CLSTN2: variants seen among roughly 807,000 people sequenced by gnomAD.
The protein encoded by CLSTN2 is calsyntenin 2.
Under a neutral mutation model 101.2 loss-of-function variants are expected in CLSTN2, and 48 were observed. That is an observed-to-expected ratio of 0.47 (90% confidence interval 0.38 to 0.60). CLSTN2 has a LOEUF of 0.60. Ranked by LOEUF, CLSTN2 falls within the 20% of genes least tolerant of loss-of-function variation. CLSTN2 has a pLI of 0.00. For synonymous variants in CLSTN2, 481 were observed against 463.6 expected, an observed-to-expected ratio of 1.04 and a Z score of -0.48; for missense variants, 1,160 against 1,238.2, an observed-to-expected ratio of 0.94 and a Z score of 0.95.
chr3:140,282,944 C>G (rs2086862108), intron 2 of CLSTN2, among the ~76,000 whole-genome samples: 1 of 152,244 alleles, frequency 6.6e-6, no homozygotes, highest in South Asian at 2.1e-4. Context: ...ACTGCTGTTT[C>G]CAGAGGAAAA....
intron 1 of CLSTN2, among the ~76,000 whole-genome samples, chr3:140,109,550 T>A (rs535506029): frequency 1.3e-5 from 2 of 152,314 alleles, no homozygotes; most frequent in African/African-American, 4.8e-5. Flanking sequence ...GGGCTTTTTA[T>A]GAAAAGACTG....
At chr3:140,354,329 C>T (rs1393789484) in intron 2 of CLSTN2, among the ~76,000 whole-genome samples, 3 of 152,126 alleles carry the variant, frequency 2.0e-5, no homozygotes, top group Non-Finnish European at 2.9e-5. Flanking sequence ...TGTAAGATTC[C>T]GTACATATAA....
intron 8 of CLSTN2, among the ~76,000 whole-genome samples, chr3:140,523,090 T>A (rs534458810): frequency 6.6e-6 from 1 of 152,254 alleles, no homozygotes; most frequent in Non-Finnish European, 1.5e-5. Context: ...AGTTCAGGAT[T>A]TCTACGGCAT....
intron 1 of CLSTN2, 131 bp from the exon 2 acceptor site, chr3:140,175,820 T>C: frequency 1.1e-6 from 1 of 898,416 alleles, no homozygotes; most frequent in East Asian, 2.8e-5. Context: ...GGGATTAACA[T>C]GTTCCATGTC....
chr3:140,085,631 C>T (rs185257761), intron 1 of CLSTN2, among the ~76,000 whole-genome samples: 12 of 152,228 alleles, frequency 7.9e-5, no homozygotes, highest in Admixed American at 5.2e-4. Context: ...TCTGGTGAGA[C>T]TCCGGTGTCA....
Position 140,556,627 on chromosome 3 carries a change from G to T in CLSTN2, c.1789G>T (p.Gly597Cys). Reference protein sequence around the residue: ...YINSRQFPTAGVRRLKVSSKV... With the variant: ...YINSRQFPTACVRRLKVSSKV... ...CAACTCCAGGCAGTTCCCAACGGCG[G>T]GTGTGCGGCGCCTCAAAGTATCCTC... Residue 597 changes from glycine (G) to cysteine (C), a missense_variant, in exon 11 of 17, where the codon GGT becomes TGT. Transcript: ENST00000458420. 1 of 1,614,026 alleles carries T rather than the reference G, an allele frequency of 6.2e-7. No homozygotes were observed. The highest frequency in any genetic ancestry group is 8.5e-7 in the Non-Finnish European group (1 of 1,179,958).
intron 2 of CLSTN2, among the ~76,000 whole-genome samples, chr3:140,340,284 C>G (rs961090900): frequency 6.6e-6 from 1 of 152,216 alleles, no homozygotes; most frequent in Admixed American, 6.5e-5. Flanking sequence ...ACATCACCTT[C>G]CCCTGGTTAT....
intron 2 of CLSTN2, among the ~76,000 whole-genome samples, chr3:140,222,288 G>A (rs1262899168): frequency 2.0e-5 from 3 of 152,166 alleles, no homozygotes; most frequent in African/African-American, 7.2e-5. Context: ...TGGACATAGA[G>A]AGTAGAAGAA....
At chr3:140,389,036 TA>T in intron 2 of CLSTN2, among the ~76,000 whole-genome samples, 1 of 152,354 alleles carries the variant, frequency 6.6e-6, no homozygotes, top group Non-Finnish European at 1.5e-5. Context: ...TGGTAAATCC[TA>T]CTTACTCATA....
chr3:140,033,508 T>C (rs767389210), intron 1 of CLSTN2, among the ~76,000 whole-genome samples: 4 of 152,220 alleles, frequency 2.6e-5, no homozygotes, highest in Non-Finnish European at 5.9e-5. Flanking sequence ...ATTAAGTGTG[T>C]GTGCAAAATA....
chr3:140,086,677 G>A (rs1049950862), intron 1 of CLSTN2, among the ~76,000 whole-genome samples: 21 of 152,246 alleles, frequency 1.4e-4, no homozygotes, highest in Non-Finnish European at 2.8e-4. Context: ...CTCATAAACC[G>A]TCTCTTTCAG....
intron 5 of CLSTN2, among the ~76,000 whole-genome samples, chr3:140,437,054 T>TG (rs1217650261): frequency 6.7e-6 from 1 of 149,882 alleles, no homozygotes; most frequent in South Asian, 2.1e-4. Context: ...GGTTTGGTTT[T>TG]TTTTTTTTTT....
chr3:140,423,276 C>A (rs1302673517), intron 5 of CLSTN2, among the ~76,000 whole-genome samples: 1 of 152,230 alleles, frequency 6.6e-6, no homozygotes, highest in Non-Finnish European at 1.5e-5. Context: ...TTATAGCGCA[C>A]ACTGCTGTTT....
At chr3:140,552,157 C>T (rs926271811) in intron 10 of CLSTN2, among the ~76,000 whole-genome samples, 2 of 152,096 alleles carry the variant, frequency 1.3e-5, no homozygotes, top group Non-Finnish European at 2.9e-5. Flanking sequence ...GCTGCAGATG[C>T]CAGTCGAATC....
At position 140,403,803 on chromosome 3, in the gene CLSTN2, C is replaced by G. The variant is rs2088271332; in HGVS notation, c.407C>G (p.Thr136Arg). Residue 136 changes from threonine (T) to arginine (R), a missense_variant, in exon 3 of 17, where the codon ACA (threonine) becomes AGA (arginine). Coordinates refer to ENST00000458420, the MANE Select transcript of CLSTN2 (RefSeq NM_022131.3). The stretch of plus-strand genomic sequence containing the variant: ...GACTGTGGTGCTGGGCCCCACGAGA[C>G]AGCCTGGAAAAAGTCACACAAGTGA... ...AYDCGAGPHE[T>R]AWKKSHKAVV... The G allele has an allele frequency of 1.9e-6, 3 of 1,611,406 alleles. No homozygotes were observed. Among genetic ancestry groups the G allele is most frequent in the Non-Finnish European group, 2.5e-6 (3 of 1,178,378 alleles).
chr3:140,247,367 A>G (rs937588876), intron 2 of CLSTN2, among the ~76,000 whole-genome samples: 1 of 152,202 alleles, frequency 6.6e-6, no homozygotes, highest in Non-Finnish European at 1.5e-5. Context: ...TAGTTCCAGG[A>G]AAACAGGAGA....
intron 5 of CLSTN2, 92 bp downstream of exon 5, chr3:140,421,366 T>G (rs2088504367): frequency 6.9e-7 from 1 of 1,452,490 alleles, no homozygotes. Context: ...AACACATAAC[T>G]TTTTAAAGTA....
At chr3:140,423,668 T>C (rs2088530928) in intron 5 of CLSTN2, among the ~76,000 whole-genome samples, 1 of 152,156 alleles carries the variant, frequency 6.6e-6, no homozygotes, top group Non-Finnish European at 1.5e-5. Flanking sequence ...CCATTTTTTC[T>C]TTTTCTCTTT....
In CLSTN2 at chr3:140,490,289, CT is replaced by C. The variant is rs1163550156; in HGVS notation, c.1344+23559del. Among the ~76,000 whole-genome samples the C allele has an allele frequency of 2.0e-5, 3 of 150,542 alleles. No individual in the cohort carries two copies. In the Admixed American group the frequency reaches 2.0e-4, roughly 10 times the overall value. On this transcript the variant is annotated intron_variant, in intron 8 of 16. Transcript: ENST00000458420. ...GGATATGGGTGGAGGGCCTTTAAAT[CT>C]CCTTATGAAGGAAGGATCCCTTCCT...
Sources: allele counts gnomAD v4.1 joint callset (sites outside exome capture counted in the v4.1 genomes callset), GRCh38; gene constraint gnomAD v4.1.1; transcripts MANE v1.5; gene names NCBI Gene and HGNC (gene_info 2026-07-23, HGNC 2026-07-21).